MAN1A2: variants seen among roughly 807,000 people sequenced by gnomAD.
MAN1A2 encodes mannosidase alpha class 1A member 2.
A neutral mutation model predicts 75.7 loss-of-function variants in MAN1A2; 26 were observed. The observed-to-expected ratio is 0.34, with a 90% confidence interval of 0.25 to 0.48. The LOEUF (loss-of-function observed/expected upper bound fraction) is 0.48. Among genes scored for constraint, MAN1A2 ranks in the 20% least tolerant of loss-of-function variants. MAN1A2 has a pLI of 0.99. For missense variants in MAN1A2, 562 were observed against 775.5 expected (o/e 0.72, Z 3.27); for synonymous variants, 247 against 264.6 (o/e 0.93, Z 0.65).
At chr1:117,379,212 T>G (rs1325702284) in intron 1 of MAN1A2, among the ~76,000 whole-genome samples, 1 of 152,102 alleles carries the variant, frequency 6.6e-6, no homozygotes, top group Admixed American at 6.5e-5. Context: ...TATCTAGTTG[T>G]CCCTGTGTGA....
chr1:117,416,635 C>T (rs560521982), intron 4 of MAN1A2, among the ~76,000 whole-genome samples: 2 of 152,012 alleles, frequency 1.3e-5, no homozygotes, highest in East Asian at 3.9e-4. Context: ...TAATGGGGAA[C>T]CAAAAAGGCA....
At chr1:117,519,553 T>C (rs1340081027) in intron 12 of MAN1A2, among the ~76,000 whole-genome samples, 1 of 152,020 alleles carries the variant, frequency 6.6e-6, no homozygotes, top group East Asian at 1.9e-4. Context: ...TGAACACCTT[T>C]ACACACATAA....
At chr1:117,507,593 CTG>C (rs1172508335) in intron 12 of MAN1A2, among the ~76,000 whole-genome samples, 5 of 151,760 alleles carry the variant, frequency 3.3e-5, no homozygotes, top group South Asian at 2.1e-4. Context: ...AATGTATAGA[CTG>C]TTTATTTCTG....
At chr1:117,373,484 G>GTTTTTTTTT (rs34482916) in intron 1 of MAN1A2, among the ~76,000 whole-genome samples, 1 of 113,360 alleles carries the variant, frequency 8.8e-6, no homozygotes, top group Non-Finnish European at 1.9e-5. Flanking sequence ...TGCTGCATTT[G>GTTTTTTTTT]TTTTTTTTTT....
chr1:117,394,296 A>T (rs978555011), intron 1 of MAN1A2, among the ~76,000 whole-genome samples: 1 of 151,970 alleles, frequency 6.6e-6, no homozygotes, highest in Non-Finnish European at 1.5e-5. Flanking sequence ...ATTAGCCAGG[A>T]TGGTCTCAAT....
chr1:117,430,014 G>A (rs1204654402), intron 5 of MAN1A2, among the ~76,000 whole-genome samples: 3 of 45,186 alleles, frequency 6.6e-5, no homozygotes, highest in Non-Finnish European at 1.4e-4. Context: ...CGGACAGGGC[G>A]GCTGGCCGGG....
intron 7 of MAN1A2, among the ~76,000 whole-genome samples, chr1:117,464,877 G>A (rs979547251): frequency 1.3e-5 from 2 of 152,166 alleles, no homozygotes; most frequent in East Asian, 1.9e-4. Flanking sequence ...CAGGAAAATA[G>A]TAATGAGTAA....
intron 8 of MAN1A2, 63 bp downstream of exon 8, chr1:117,466,490 G>C (rs1349280334): frequency 8.9e-7 from 1 of 1,121,748 alleles, no homozygotes; most frequent in African/African-American, 1.6e-5. Flanking sequence ...CTCTTTGCTT[G>C]ATGTTGTAAA....
intron 12 of MAN1A2, among the ~76,000 whole-genome samples, chr1:117,518,985 C>T (rs889704642): frequency 6.6e-6 from 1 of 151,980 alleles, no homozygotes; most frequent in Non-Finnish European, 1.5e-5. Context: ...CTGTCAAGCC[C>T]TCTCTCAGAC....
chr1:117,459,607 C>T (rs1339410193), intron 6 of MAN1A2, among the ~76,000 whole-genome samples: 1 of 152,124 alleles, frequency 6.6e-6, no homozygotes, highest in African/African-American at 2.4e-5. Flanking sequence ...TAATGTCATT[C>T]AAAGCCTCTA....
At chr1:117,431,211 G>GC (rs1648645059) in intron 5 of MAN1A2, among the ~76,000 whole-genome samples, 11 of 48,672 alleles carry the variant, frequency 2.3e-4, no homozygotes, top group Non-Finnish European at 3.7e-4. Flanking sequence ...GGGAGGGGGA[G>GC]GGGGAGGGGG....
chr1:117,428,606 A>G (rs1243821287), intron 5 of MAN1A2, among the ~76,000 whole-genome samples: 3 of 152,086 alleles, frequency 2.0e-5, no homozygotes, highest in Admixed American at 6.5e-5. Context: ...ACATAAAAGC[A>G]AGACCAAACT....
At position 117,391,847 on chromosome 1, in the gene MAN1A2, C is replaced by T. The variant is rs146821782; in HGVS notation, c.303-10339C>T. ...TGTTCTTGGTTCAGTTAATGGCACC[C>T]GTTTCTATCCAGTCAGTATTGTGAA... On this transcript the variant is annotated intron_variant, in intron 1 of 12. Transcript: ENST00000356554. Among the ~76,000 whole-genome samples the T allele has an allele frequency of 5.5e-4, 84 of 152,228 alleles. 1 individual carries two copies. The highest frequency in any genetic ancestry group is 1.9e-3 in the African/African-American group (81 of 41,564).
intron 9 of MAN1A2, among the ~76,000 whole-genome samples, chr1:117,495,363 C>T (rs1362576587): frequency 6.6e-6 from 1 of 151,572 alleles, no homozygotes; most frequent in East Asian, 1.9e-4. Flanking sequence ...AAAAACTATT[C>T]TATTAGCGTA....
chr1:117,498,760 A>G (rs1651108307), intron 10 of MAN1A2, among the ~76,000 whole-genome samples: 1 of 151,830 alleles, frequency 6.6e-6, no homozygotes, highest in Non-Finnish European at 1.5e-5. Context: ...AAAAAGTACA[A>G]TCCTAGTTTT....
chr1:117,394,392 CTT>C (rs1423857527), intron 1 of MAN1A2, among the ~76,000 whole-genome samples: 3 of 152,112 alleles, frequency 2.0e-5, no homozygotes, highest in Admixed American at 2.0e-4. Flanking sequence ...TTCATTTTCT[CTT>C]TTTATGTTGC....
intron 8 of MAN1A2, among the ~76,000 whole-genome samples, chr1:117,489,443 T>C (rs557354123): frequency 2.6e-5 from 4 of 152,196 alleles, no homozygotes; most frequent in East Asian, 1.9e-4. Flanking sequence ...ACTAGTGAAA[T>C]TGGGCATCCT....
intron 3 of MAN1A2, among the ~76,000 whole-genome samples, chr1:117,413,594 T>G (rs1026132187): frequency 3.3e-5 from 5 of 151,938 alleles, no homozygotes; most frequent in Admixed American, 6.6e-5. Context: ...AAATCATCAT[T>G]TGATACTTTC....
At chr1:117,423,085 C>T (rs974213264) in intron 5 of MAN1A2, among the ~76,000 whole-genome samples, 1 of 152,012 alleles carries the variant, frequency 6.6e-6, no homozygotes, top group Non-Finnish European at 1.5e-5. Context: ...GAGTTAAATC[C>T]TATATATGCT....
Sources: gnomAD v4.1 joint callset for allele counts (sites outside exome capture counted in the v4.1 genomes callset) on GRCh38, gnomAD v4.1.1 for gene constraint, MANE v1.5 for transcripts, NCBI Gene and HGNC (gene_info 2026-07-23, HGNC 2026-07-21) for gene names.